KCNT2: variants seen among roughly 807,000 people sequenced by gnomAD.
KCNT2 encodes potassium channel subfamily T member 2.
Under a neutral mutation model 153.8 loss-of-function variants are expected in KCNT2, and 67 were observed. That is an observed-to-expected ratio of 0.44 (90% CI 0.36 to 0.53). KCNT2 has a LOEUF of 0.53. KCNT2 is among the 20% of genes least tolerant of loss of function. The pLI is 0.00. For synonymous variants in KCNT2, 500 were observed against 458.8 expected (o/e 1.09, Z -1.15); for missense variants, 975 against 1,354.8 (o/e 0.72, Z 4.40).
intron 1 of KCNT2, among the ~76,000 whole-genome samples, chr1:196,604,097 A>G (rs1008668658): frequency 2.0e-5 from 3 of 152,238 alleles, no homozygotes; most frequent in Non-Finnish European, 4.4e-5. Context: ...TGAATGTTGA[A>G]TGCCTTGAGC....
intron 8 of KCNT2, among the ~76,000 whole-genome samples, chr1:196,436,720 T>C (rs1203727308): frequency 6.6e-6 from 1 of 151,208 alleles, no homozygotes; most frequent in Non-Finnish European, 1.5e-5. Flanking sequence ...GAAATAATTT[T>C]AATGATAGGC....
chr1:196,549,357 G>A (rs897320741), intron 1 of KCNT2, among the ~76,000 whole-genome samples: 4 of 151,794 alleles, frequency 2.6e-5, no homozygotes, highest in Middle Eastern at 6.4e-3. Flanking sequence ...ACAGATAATA[G>A]GCCCCCCCAC....
chr1:196,603,076 G>A (rs368093304), intron 1 of KCNT2, among the ~76,000 whole-genome samples: 20 of 150,234 alleles, frequency 1.3e-4, no homozygotes, highest in Admixed American at 8.0e-4. Flanking sequence ...GTGAGCCACC[G>A]CGCCCGGCCC....
chr1:196,566,751 C>T (rs1207404632), intron 1 of KCNT2, among the ~76,000 whole-genome samples: 2 of 152,026 alleles, frequency 1.3e-5, no homozygotes, highest in Admixed American at 6.5e-5. Context: ...TTTTGTATAT[C>T]ACCATAGCAA....
At chr1:196,474,248 A>T (rs996243124) in intron 5 of KCNT2, among the ~76,000 whole-genome samples, 4 of 152,158 alleles carry the variant, frequency 2.6e-5, no homozygotes, top group Non-Finnish European at 5.9e-5. Context: ...AAATTATATT[A>T]GTTATAGCAG....
intron 12 of KCNT2, among the ~76,000 whole-genome samples, chr1:196,399,448 G>A (rs2148443206): frequency 6.6e-6 from 1 of 151,874 alleles, no homozygotes. Context: ...AGTTAAGAAT[G>A]TAATTACTCA....
intron 1 of KCNT2, among the ~76,000 whole-genome samples, chr1:196,544,188 T>A (rs1293699666): frequency 6.6e-6 from 1 of 152,136 alleles, no homozygotes; most frequent in East Asian, 1.9e-4. Flanking sequence ...AATTTTAAAA[T>A]CACAAGAAAA....
At chr1:196,247,406 T>C (rs1233706249) in intron 26 of KCNT2, among the ~76,000 whole-genome samples, 1 of 152,188 alleles carries the variant, frequency 6.6e-6, no homozygotes, top group African/African-American at 2.4e-5. Context: ...AATGTCAGAC[T>C]TAATCCTTGC....
chr1:196,481,115 TAA>T (rs1038634271), intron 4 of KCNT2, among the ~76,000 whole-genome samples: 1 of 152,080 alleles, frequency 6.6e-6, no homozygotes, highest in African/African-American at 2.4e-5. Context: ...TAAGGAAATG[TAA>T]AAAACAACTT....
chr1:196,382,046 G>A (rs1011556131), intron 13 of KCNT2, among the ~76,000 whole-genome samples: 2 of 146,820 alleles, frequency 1.4e-5, no homozygotes, highest in African/African-American at 4.9e-5. Flanking sequence ...CTGAGGGAAT[G>A]AAAAAAGCCT....
chr1:196,373,125 A>G lies in KCNT2; in HGVS notation c.1403+15T>C. ...TATAATTTAAAAGGTTAACTTAAAG[A>G]AAAAATATACTTACTGCCCTCTAGA... On this transcript the variant is annotated intron_variant, in intron 14 of 27. Transcript: ENST00000294725. 1 of 1,234,472 alleles carries G rather than the reference A, an allele frequency of 8.1e-7. No homozygotes were observed. The highest frequency in any genetic ancestry group is 1.3e-5 in the South Asian group (1 of 78,278). 76.5% of individuals were successfully genotyped at this position (1,234,472 alleles called of 1,614,324 possible). A position where few individuals can be genotyped will look rare whatever the true frequency, so the allele number is the denominator to read the frequency against.
chr1:196,318,707 A>G lies in KCNT2; in HGVS notation c.2348+777T>C, dbSNP rs527704649. On this transcript the variant is annotated intron_variant, in intron 20 of 27. Coordinates refer to ENST00000294725, the MANE Select transcript of KCNT2 (RefSeq NM_198503.5). ...TTAACATAGAATGGAGGCTAATCAT[A>G]TTTTAGACTGTTTGACCTTTAATGT... 8.6e-5 allele frequency among the ~76,000 whole-genome samples: 13 copies of G among 151,866 alleles called. No homozygotes were observed. The South Asian group carries it at 2.7e-3, about 32-fold the overall frequency.
At chr1:196,370,401 G>A (rs945299834) in intron 14 of KCNT2, among the ~76,000 whole-genome samples, 1 of 151,998 alleles carries the variant, frequency 6.6e-6, no homozygotes, top group Non-Finnish European at 1.5e-5. Flanking sequence ...TGACAGATCA[G>A]CTAGAACTGG....
rs67709356 is a variant in KCNT2 at position 196,379,565 on chromosome 1, T to TTCTCTCTCTCTCTCTCTC, written c.1295-6335_1295-6318dup. The stretch of plus-strand genomic sequence containing the variant: ...CCAGCCTAGGTAATACAGTGAGACT[T>TTCTCTCTCTCTCTCTCTC]TCTCTCTCTCTCTCTCTCTCTCTCT... On this transcript the variant is annotated intron_variant, in intron 13 of 27. Transcript: ENST00000294725. 6.6e-5 allele frequency among the ~76,000 whole-genome samples: 9 copies of TTCTCTCTCTCTCTCTCTC among 136,248 alleles called. No individual in the cohort carries two copies. In the South Asian group the frequency reaches 7.8e-4, roughly 12 times the overall value. The allele number at this position is 136,248 out of a possible 152,430, so 89.4% of individuals were successfully genotyped here.
At chr1:196,530,942 GC>G (rs1410389658) in intron 1 of KCNT2, among the ~76,000 whole-genome samples, 3 of 151,914 alleles carry the variant, frequency 2.0e-5, no homozygotes, top group African/African-American at 4.8e-5. Context: ...TATTACTTTG[GC>G]CCCTGACAAC....
intron 14 of KCNT2, among the ~76,000 whole-genome samples, chr1:196,354,339 C>T (rs1667002244): frequency 6.6e-6 from 1 of 151,740 alleles, no homozygotes; most frequent in South Asian, 2.1e-4. Flanking sequence ...TGTAGCTAAA[C>T]AGATGATAAA....
intron 8 of KCNT2, among the ~76,000 whole-genome samples, chr1:196,455,850 C>A (rs923605884): frequency 1.3e-5 from 2 of 151,994 alleles, no homozygotes; most frequent in African/African-American, 4.8e-5. Context: ...CAGCAAGAAA[C>A]CTTTCTGACC....
chr1:196,565,225 A>G (rs1442653267), intron 1 of KCNT2, among the ~76,000 whole-genome samples: 1 of 151,940 alleles, frequency 6.6e-6, no homozygotes, highest in Non-Finnish European at 1.5e-5. Context: ...GAGAAATGCA[A>G]ATTAAAACCA....
intron 1 of KCNT2, among the ~76,000 whole-genome samples, chr1:196,571,780 C>A (rs1370109923): frequency 6.6e-6 from 1 of 152,020 alleles, no homozygotes; most frequent in Admixed American, 6.6e-5. Flanking sequence ...CAGAAAGGGT[C>A]AGCTCAGTAG....
Sources: allele counts gnomAD v4.1 joint callset (sites outside exome capture counted in the v4.1 genomes callset), GRCh38; gene constraint gnomAD v4.1.1; transcripts MANE v1.5; gene names NCBI Gene and HGNC (gene_info 2026-07-23, HGNC 2026-07-21).